The following PPP2R5D variants were observed in gnomAD, a reference collection of about 807,000 sequenced individuals.
The protein encoded by PPP2R5D is protein phosphatase 2 regulatory subunit B'delta.
Under a neutral mutation model 79.1 loss-of-function variants are expected in PPP2R5D, and 12 were observed. That is an observed-to-expected ratio of 0.15 (90% confidence interval 0.10 to 0.25). The LOEUF (loss-of-function observed/expected upper bound fraction) is 0.25. Ranked by LOEUF, PPP2R5D falls within the 10% of genes least tolerant of loss-of-function variation. The probability of loss-of-function intolerance (pLI) is 1.00; values close to 1 mark genes in which losing one functional copy is unlikely to be tolerated. For missense variants in PPP2R5D, 419 were observed against 760.2 expected, an observed-to-expected ratio of 0.55 and a Z score of 5.28; for synonymous variants, 277 against 286.6, an observed-to-expected ratio of 0.97 and a Z score of 0.34.
At chr6:43,001,370 C>T (rs1474763548) in intron 2 of PPP2R5D, among the ~76,000 whole-genome samples, 3 of 152,046 alleles carry the variant, frequency 2.0e-5, no homozygotes, top group Non-Finnish European at 4.4e-5. Flanking sequence ...AACTCCCAAC[C>T]TCAGGTGATC....
intron 2 of PPP2R5D, among the ~76,000 whole-genome samples, chr6:42,995,126 CTTT>C (rs889250251): frequency 8.5e-5 from 9 of 106,346 alleles, no homozygotes; most frequent in Middle Eastern, 5.4e-3. Flanking sequence ...CTTTTTCTTT[CTTT>C]TTTTTTTTTT....
At position 43,007,506 on chromosome 6, in the gene PPP2R5D, T is replaced by C; in HGVS notation, c.726T>C (p.Ala242=). The C allele has an allele frequency of 6.2e-7, 1 of 1,604,884 alleles. No individual in the cohort carries two copies. The highest frequency in any genetic ancestry group is 8.5e-7 in the Non-Finnish European group (1 of 1,171,564). ...KKYIDQKFVL[A]LLDLFDSEDP... is the part of the protein sequence containing the mutation. Reference sequence around the variant, plus strand: ...ACATCGACCAGAAGTTTGTACTTGCTGTGAGTCCCCGAGTTCCTGTCCTTG... The same window carrying C: ...ACATCGACCAGAAGTTTGTACTTGCCGTGAGTCCCCGAGTTCCTGTCCTTG... Residue 242 remains alanine, a splice_region_variant and synonymous_variant, in exon 6 of 16, where the codon GCT becomes GCC. Transcript: ENST00000485511. The surrounding 1 kb of genome is among the most constrained non-coding windows in gnomAD (Gnocchi z 4.5).
chr6:42,993,064 A>T (rs1333249834), intron 2 of PPP2R5D, among the ~76,000 whole-genome samples: 1 of 152,166 alleles, frequency 6.6e-6, no homozygotes, highest in Non-Finnish European at 1.5e-5. Flanking sequence ...TGGGAGGCCG[A>T]GGCGGGTGGA....
At chr6:42,984,894 C>A (rs537968954) in intron 1 of PPP2R5D, among the ~76,000 whole-genome samples, 190 bp downstream of exon 1, 3 of 151,756 alleles carry the variant, frequency 2.0e-5, no homozygotes, top group South Asian at 2.1e-4. Context: ...ACAGCTCCCC[C>A]ACCTTGCCCC....
chr6:42,996,504 GAAA>G (rs990268555), intron 2 of PPP2R5D, among the ~76,000 whole-genome samples: 2 of 149,374 alleles, frequency 1.3e-5, no homozygotes, highest in South Asian at 4.3e-4. Flanking sequence ...GGCCAAAAAA[GAAA>G]AAAAAACAAA....
At position 43,007,357 on chromosome 6, in the gene PPP2R5D, T is replaced by C. The variant is rs898990096; in HGVS notation, c.633+51T>C. On this transcript the variant is annotated intron_variant, in intron 5 of 15. Coordinates refer to ENST00000485511, the MANE Select transcript of PPP2R5D (RefSeq NM_006245.4). This position sits in a 1 kb window ranked among gnomAD's most constrained non-coding sequence, Gnocchi z 4.5. ...CCGTGGCTGCAGGGAGTGGGGCACT[T>C]GGAGGCCTGCAAGTCCTTGGGAACA... 1.4e-5 allele frequency: 23 copies of C among 1,605,806 alleles called. No individual in the cohort carries two copies. The highest frequency in any genetic ancestry group is 1.9e-5 in the Non-Finnish European group (22 of 1,172,510).
chr6:43,009,143 C>T lies in PPP2R5D; in HGVS notation c.1167C>T (p.Asp389=), dbSNP rs750312063. The T allele has an allele frequency of 9.9e-6, 16 of 1,613,962 alleles. No homozygotes were observed. In the African/African-American group the frequency reaches 1.3e-4, roughly 13 times the overall value. Reference sequence around the variant, plus strand: ...TGAATGAGCTGGAGGAGATTCTGGACGTCATTGAACCTTCTGAGTTCAGCA... The same window carrying T: ...TGAATGAGCTGGAGGAGATTCTGGATGTCATTGAACCTTCTGAGTTCAGCA... ...MFLNELEEIL[D]VIEPSEFSKV... is the part of the protein sequence containing the mutation. Residue 389 remains aspartate, a synonymous_variant, in exon 11 of 16, where the codon GAC becomes GAT. Coordinates refer to ENST00000485511, the MANE Select transcript of PPP2R5D (RefSeq NM_006245.4). The surrounding 1 kb of genome is among the most constrained non-coding windows in gnomAD (Gnocchi z 5.6).
At chr6:42,990,325 T>TA (rs1303769133) in intron 2 of PPP2R5D, among the ~76,000 whole-genome samples, 1 of 152,182 alleles carries the variant, frequency 6.6e-6, no homozygotes, top group African/African-American at 2.4e-5. Flanking sequence ...CCTGTGAACA[T>TA]ACACAGCGAG....
intron 2 of PPP2R5D, among the ~76,000 whole-genome samples, chr6:43,004,211 CAG>C (rs1311701592): frequency 2.6e-5 from 4 of 151,800 alleles, no homozygotes; most frequent in African/African-American, 9.7e-5. Flanking sequence ...TTAGTAGAGA[CAG>C]GGTTTCACTG....
rs770645870 is a variant in PPP2R5D at position 42,989,654 on chromosome 6, C to T, written c.71C>T (p.Ser24Leu). 2.8e-5 allele frequency: 45 copies of T among 1,613,858 alleles called. No individual in the cohort carries two copies. Among genetic ancestry groups the T allele is most frequent in the Admixed American group, 1.5e-4 (9 of 59,980 alleles). ...VAKCTAKPSS[S>L]GKDGGGENTE... ...AAATGCACAGCCAAGCCTAGCAGCT[C>T]GGGCAAGGATGGTGGAGGCGAGAAC... Residue 24 changes from serine (S) to leucine (L), a missense_variant, in exon 2 of 16, where the codon TCG becomes TTG. By Grantham distance (145) the Ser-to-Leu change is moderately radical. Transcript: ENST00000485511.
chr6:43,008,346 C>A lies in PPP2R5D; in HGVS notation c.918-21C>A, dbSNP rs1374004580. The A allele has an allele frequency of 4.3e-6, 7 of 1,613,112 alleles. No individual in the cohort carries two copies. Among genetic ancestry groups the A allele is most frequent in the East Asian group, 2.2e-5 (1 of 44,898 alleles). ...CTTGGATCTGACCCTCTGGTCCTAA[C>A]AAATGTCCCTTAATTCCTAGCATCA... On this transcript the variant is annotated intron_variant, in intron 8 of 15. Coordinates refer to ENST00000485511, the MANE Select transcript of PPP2R5D (RefSeq NM_006245.4). This position sits in a 1 kb window ranked among gnomAD's most constrained non-coding sequence, Gnocchi z 4.2.
intron 2 of PPP2R5D, among the ~76,000 whole-genome samples, chr6:42,992,474 A>T (rs569227822): frequency 1.1e-3 from 163 of 152,244 alleles, no homozygotes; most frequent in Non-Finnish European, 1.7e-3. Flanking sequence ...CATTTATTTT[A>T]TAGAGCAGTT....
Position 43,006,085 on chromosome 6 carries a change from C to A in PPP2R5D, c.106-378C>A, listed in dbSNP as rs1581849803. Among the ~76,000 whole-genome samples, 1 of 152,162 alleles carries A rather than the reference C, an allele frequency of 6.6e-6. No homozygotes were observed. The highest frequency in any genetic ancestry group is 2.1e-4 in the South Asian group (1 of 4,828). ...AGGCTCCTCATGTCTCTTCTTATTC[C>A]TCATGTGTCTTCTTATTCATCATGT... On this transcript the variant is annotated intron_variant, in intron 2 of 15. Coordinates refer to ENST00000485511, the MANE Select transcript of PPP2R5D (RefSeq NM_006245.4). This position sits in a 1 kb window ranked among gnomAD's most constrained non-coding sequence, Gnocchi z 4.7.
Position 43,007,598 on chromosome 6 carries a change from T to C in PPP2R5D, c.726+92T>C. On this transcript the variant is annotated intron_variant, in intron 6 of 15. Transcript: ENST00000485511. The surrounding 1 kb of genome is among the most constrained non-coding windows in gnomAD (Gnocchi z 4.5). ...TGGCTCTTTCCCCTTAAGCTGAATATATTGGGTTTCATCCATGTCTGGTAC... is the reference window on the plus strand; with the variant it reads ...TGGCTCTTTCCCCTTAAGCTGAATACATTGGGTTTCATCCATGTCTGGTAC... 1 of 1,257,200 alleles carries C rather than the reference T, an allele frequency of 8.0e-7. No homozygotes were observed. The highest frequency in any genetic ancestry group is 1.2e-5 in the South Asian group (1 of 82,724). The allele number at this position is 1,257,200 out of a possible 1,614,324, so 77.9% of individuals were successfully genotyped here.
At position 42,984,606 on chromosome 6, in the gene PPP2R5D, G is replaced by T; in HGVS notation, c.-72G>T. 1 of 1,532,752 alleles carries T rather than the reference G, an allele frequency of 6.5e-7. No individual in the cohort carries two copies. The highest frequency in any genetic ancestry group is 1.2e-5 in the South Asian group (1 of 82,394). 94.9% of individuals were successfully genotyped at this position (1,532,752 alleles called of 1,614,324 possible). On this transcript the variant is annotated 5_prime_UTR_variant, in exon 1 of 16. Transcript: ENST00000485511. The stretch of plus-strand genomic sequence containing the variant: ...GCGGTGGCGAAGAGACGCCGAGCGG[G>T]CCGAGTGCGGCCGAGCAAAGCCGGA...
At chr6:42,998,038 T>TATATATATATATAC (rs1771869480) in intron 2 of PPP2R5D, among the ~76,000 whole-genome samples, 1 of 31,288 alleles carries the variant, frequency 3.2e-5, no homozygotes, top group African/African-American at 8.1e-5. Context: ...TATATATATA[T>TATATATATATATAC]ATATATATAT....
chr6:42,992,797 G>A lies in PPP2R5D; in HGVS notation c.105+3109G>A, dbSNP rs563948643. Among the ~76,000 whole-genome samples, 13 of 152,174 alleles carry A rather than the reference G, an allele frequency of 8.5e-5. No homozygotes were observed. The Middle Eastern group carries it at 0.01, about 119-fold the overall frequency. On this transcript the variant is annotated intron_variant, in intron 2 of 15. Transcript: ENST00000485511. ...TGATCGTACCACTGCACTCCAGCCT[G>A]GGTGACAGAACGAGACCTTGTCTCA... is the stretch of plus-strand genomic sequence containing the variant.
At chr6:43,001,091 G>T (rs1772162819) in intron 2 of PPP2R5D, among the ~76,000 whole-genome samples, 1 of 152,218 alleles carries the variant, frequency 6.6e-6, no homozygotes, top group Non-Finnish European at 1.5e-5. Context: ...CTTTTTGGAA[G>T]AAGGTGGGAC....
chr6:42,999,528 A>G (rs377179239), intron 2 of PPP2R5D, among the ~76,000 whole-genome samples: 3 of 152,042 alleles, frequency 2.0e-5, no homozygotes, highest in African/African-American at 7.2e-5. Flanking sequence ...GACCTTAGAT[A>G]TCAGCTCATT....
Sources: allele counts gnomAD v4.1 joint callset (sites outside exome capture counted in the v4.1 genomes callset), GRCh38; gene constraint gnomAD v4.1.1; non-coding constraint Gnocchi (gnomAD v3.1); transcripts MANE v1.5; gene names NCBI Gene and HGNC (gene_info 2026-07-23, HGNC 2026-07-21).